Variants in FAM178B observed in about 807,000 individuals in gnomAD.
FAM178B encodes protein FAM178B.
In FAM178B, 82 loss-of-function variants were observed where a neutral mutation model predicts 91.7. That is an observed-to-expected ratio of 0.89 (90% CI 0.75 to 1.07). The LOEUF (loss-of-function observed/expected upper bound fraction) is 1.07, where lower values mean the gene tolerates loss of function less well. Ranked by LOEUF, FAM178B falls within the 50% of genes least tolerant of loss-of-function variation. The pLI is 0.00. For synonymous variants in FAM178B, 368 were observed against 359.4 expected (o/e 1.02, Z -0.27); for missense variants, 769 against 846.7 (o/e 0.91, Z 1.14).
intron 4 of FAM178B, among the ~76,000 whole-genome samples, chr2:96,968,776 T>C (rs2082179410): frequency 3.9e-5 from 6 of 152,158 alleles, no homozygotes; most frequent in Admixed American, 3.9e-4. Flanking sequence ...CTGCAGTTTC[T>C]TAAACAAGAG....
At chr2:96,955,091 C>T (rs2081980065) in intron 6 of FAM178B, among the ~76,000 whole-genome samples, 2 of 152,298 alleles carry the variant, frequency 1.3e-5, no homozygotes, top group African/African-American at 4.8e-5. Context: ...GTTGGCCGGG[C>T]ATCGTGGCTC....
chr2:96,954,685 C>T (rs1466084899), intron 6 of FAM178B, among the ~76,000 whole-genome samples: 1 of 152,246 alleles, frequency 6.6e-6, no homozygotes, highest in Non-Finnish European at 1.5e-5. Flanking sequence ...GAATAAAATG[C>T]CTAAATACAA....
Position 96,986,387 on chromosome 2 carries a change from C to T in FAM178B, c.-74G>A. 1 of 1,488,014 alleles carries T rather than the reference C, an allele frequency of 6.7e-7. No homozygotes were observed. The allele number at this position is 1,488,014 out of a possible 1,614,324, so 92.2% of individuals were successfully genotyped here. A position where few individuals can be genotyped will look rare whatever the true frequency, so the allele number is the denominator to read the frequency against. On this transcript the variant is annotated 5_prime_UTR_variant, in exon 1 of 17. Transcript: ENST00000490605. ...GCACGGCCTCAGAGGACGGGGCCAGCTAGCCGGGAAAGGAAGCAGGAGCAG... is the reference window on the plus strand; with the variant it reads ...GCACGGCCTCAGAGGACGGGGCCAGTTAGCCGGGAAAGGAAGCAGGAGCAG...
chr2:96,970,951 C>T (rs1380921912), intron 3 of FAM178B, among the ~76,000 whole-genome samples, 174 bp from the exon 4 acceptor site: 1 of 152,046 alleles, frequency 6.6e-6, no homozygotes, highest in African/African-American at 2.4e-5. Flanking sequence ...AAATGTCTCC[C>T]TGCCCCCATC....
At chr2:96,948,812 C>T (rs894498017) in intron 7 of FAM178B, among the ~76,000 whole-genome samples, 10 of 152,148 alleles carry the variant, frequency 6.6e-5, no homozygotes, top group South Asian at 2.1e-4. Context: ...CAAGTGTCTG[C>T]GTCTGATAAT....
chr2:96,928,789 G>T (rs2081490900), intron 9 of FAM178B, among the ~76,000 whole-genome samples: 1 of 152,136 alleles, frequency 6.6e-6, no homozygotes, highest in African/African-American at 2.4e-5. Context: ...AGGCGGGGGT[G>T]TGTGGTTGTT....
At chr2:96,886,988 G>A (rs1382219054) in intron 14 of FAM178B, among the ~76,000 whole-genome samples, 1 of 152,200 alleles carries the variant, frequency 6.6e-6, no homozygotes, top group Non-Finnish European at 1.5e-5. Flanking sequence ...GCAGAGGCGG[G>A]CGGATCACGA....
chr2:96,952,114 G>A (rs941497268), intron 6 of FAM178B, among the ~76,000 whole-genome samples: 1 of 152,194 alleles, frequency 6.6e-6, no homozygotes. Flanking sequence ...GTGGAAAGGT[G>A]AGGAGTGAGG....
rs2080886804 is a variant in FAM178B at position 96,899,565 on chromosome 2, A to T, written c.1650+3055T>A. On this transcript the variant is annotated intron_variant, in intron 13 of 16. Coordinates refer to ENST00000490605, the MANE Select transcript of FAM178B (RefSeq NM_001122646.3). ...GAGGCAGCGCCACTCCATGTACTTTAAAAAAAAAAGAAAAAAAAAAGCGGG... is the reference window on the plus strand; with the variant it reads ...GAGGCAGCGCCACTCCATGTACTTTTAAAAAAAAAGAAAAAAAAAAGCGGG... 2.0e-5 allele frequency among the ~76,000 whole-genome samples: 3 copies of T among 148,458 alleles called. No individual in the cohort carries two copies. The South Asian group carries it at 6.5e-4, about 32-fold the overall frequency.
intron 1 of FAM178B, among the ~76,000 whole-genome samples, chr2:96,975,183 G>A (rs996815817): frequency 1.9e-4 from 29 of 151,884 alleles, no homozygotes; most frequent in Non-Finnish European, 2.1e-4. Flanking sequence ...TGTCAGATGG[G>A]GGAATGAATT....
intron 7 of FAM178B, among the ~76,000 whole-genome samples, chr2:96,949,639 C>T (rs915428383): frequency 1.3e-5 from 2 of 152,304 alleles, no homozygotes; most frequent in Admixed American, 6.5e-5. Context: ...AGTAACTGCT[C>T]GAGGTTCTAA....
intron 6 of FAM178B, among the ~76,000 whole-genome samples, chr2:96,953,590 C>T (rs973850373): frequency 7.2e-5 from 11 of 152,210 alleles, no homozygotes; most frequent in Admixed American, 1.3e-4. Flanking sequence ...GATTGATTGG[C>T]CTCTGAGTTC....
intron 6 of FAM178B, 123 bp downstream of exon 6, chr2:96,960,165 T>C: frequency 2.0e-6 from 2 of 1,023,280 alleles, no homozygotes; most frequent in East Asian, 5.6e-5. Flanking sequence ...AACTGACACA[T>C]TCAAATTGGC....
Position 96,960,353 on chromosome 2 carries a change from G to T in FAM178B, c.822C>A (p.Pro274=). The T allele has an allele frequency of 6.4e-7, 1 of 1,551,838 alleles. No individual in the cohort carries two copies. Among genetic ancestry groups the T allele is most frequent in the Non-Finnish European group, 8.7e-7 (1 of 1,147,026 alleles). Residue 274 remains proline (P), a synonymous_variant, in exon 6 of 17, where the codon CCC becomes CCA. Transcript: ENST00000490605. ...GETVFLPRCH[P]LPCILDSSLL... is the part of the protein sequence containing the mutation. ...GTGAGGAGTCCAGGATGCATGGCAG[G>T]GGGTGACACCTGGGCAGAAACACAG...
chr2:96,895,932 C>G, intron 13 of FAM178B, among the ~76,000 whole-genome samples: 1 of 152,186 alleles, frequency 6.6e-6, no homozygotes, highest in Admixed American at 6.5e-5. Context: ...TTCTGGGAGG[C>G]GGCCAGGGCT....
At chr2:96,954,658 G>C (rs1357011468) in intron 6 of FAM178B, among the ~76,000 whole-genome samples, 1 of 152,274 alleles carries the variant, frequency 6.6e-6, no homozygotes, top group Non-Finnish European at 1.5e-5. Flanking sequence ...CCTTTGCCAA[G>C]TTACTCAAAT....
intron 10 of FAM178B, 132 bp downstream of exon 10, chr2:96,923,358 A>C (rs745543054): frequency 8.6e-4 from 596 of 694,860 alleles, no homozygotes; most frequent in Middle Eastern, 5.0e-3. Flanking sequence ...CATCCGGCCC[A>C]CAGCCAGCAC....
chr2:96,958,155 G>A (rs996315808), intron 6 of FAM178B, among the ~76,000 whole-genome samples: 7 of 145,486 alleles, frequency 4.8e-5, no homozygotes, highest in African/African-American at 1.3e-4. Context: ...TGCAAGCTCC[G>A]CCTCCCGGAT....
chr2:96,957,462 G>A (rs1379403728), intron 6 of FAM178B, among the ~76,000 whole-genome samples: 1 of 152,116 alleles, frequency 6.6e-6, no homozygotes, highest in East Asian at 1.9e-4. Context: ...CCTCTCTACT[G>A]AGCCTCATTA....
Sources: gnomAD v4.1 joint callset for allele counts (sites outside exome capture counted in the v4.1 genomes callset) on GRCh38, gnomAD v4.1.1 for gene constraint, MANE v1.5 for transcripts, NCBI Gene and HGNC (gene_info 2026-07-23, HGNC 2026-07-21) for gene names.